Variants in LRFN5 observed in about 807,000 individuals in gnomAD.
LRFN5 encodes the protein leucine-rich repeat and fibronectin type-III domain-containing protein 5.
In LRFN5, 24 loss-of-function variants were observed where a neutral mutation model predicts 45.6. That is an observed-to-expected ratio of 0.53 (90% confidence interval 0.38 to 0.74). The LOEUF is 0.74. Ranked by LOEUF, LRFN5 falls within the 30% of genes least tolerant of loss-of-function variation. LRFN5 has a pLI of 0.00. For synonymous variants in LRFN5, 340 were observed against 313.8 expected (o/e 1.08, Z -0.88); for missense variants, 776 against 861.5 (o/e 0.90, Z 1.24).
At chr14:41,844,249 A>G (rs1888972786) in intron 2 of LRFN5, among the ~76,000 whole-genome samples, 1 of 152,168 alleles carries the variant, frequency 6.6e-6, no homozygotes, top group South Asian at 2.1e-4. Context: ...CATCCTGGCT[A>G]ACATGGTGAA....
chr14:41,791,693 A>G (rs951592896), intron 2 of LRFN5, among the ~76,000 whole-genome samples: 2 of 152,102 alleles, frequency 1.3e-5, no homozygotes, highest in Non-Finnish European at 2.9e-5. Context: ...TTTTACTGAT[A>G]AAAGTGTCTT....
At chr14:41,817,334 T>A (rs546791832) in intron 2 of LRFN5, among the ~76,000 whole-genome samples, 1 of 152,222 alleles carries the variant, frequency 6.6e-6, no homozygotes, top group East Asian at 1.9e-4. Flanking sequence ...TAGTTAGCTT[T>A]GTACTTTGTA....
In LRFN5 at chr14:41,630,669, A is replaced by G. The variant is rs189807800; in HGVS notation, c.-197+22107A>G. 2.1e-3 allele frequency among the ~76,000 whole-genome samples: 314 copies of G among 152,204 alleles called. 4 individuals carry two copies. Among genetic ancestry groups the G allele is most frequent in the Admixed American group, 0.017 (254 of 15,278 alleles). On this transcript the variant is annotated intron_variant, in intron 1 of 5. Coordinates refer to ENST00000298119, the MANE Select transcript of LRFN5 (RefSeq NM_152447.5). ...ATACTTTTGAGAGAACATAAATGGG[A>G]AAAGATAATTTTCTTTTACTTTATT...
intron 2 of LRFN5, among the ~76,000 whole-genome samples, chr14:41,811,808 G>C (rs1157622547): frequency 1.3e-5 from 2 of 152,084 alleles, no homozygotes; most frequent in East Asian, 3.9e-4. Context: ...TGGACTGGGG[G>C]TTTCATTTTT....
intron 1 of LRFN5, among the ~76,000 whole-genome samples, chr14:41,664,463 T>G (rs377114116): frequency 6.6e-6 from 1 of 151,986 alleles, no homozygotes; most frequent in East Asian, 1.9e-4. Context: ...AAGTCCTTAT[T>G]TAAGAACTTG....
At chr14:41,746,736 A>C (rs1472232577) in intron 1 of LRFN5, among the ~76,000 whole-genome samples, 2 of 152,018 alleles carry the variant, frequency 1.3e-5, no homozygotes, top group Non-Finnish European at 2.9e-5. Context: ...AAAAGGCATT[A>C]GAATTGAAAA....
intron 2 of LRFN5, among the ~76,000 whole-genome samples, chr14:41,767,953 C>G (rs887681597): frequency 1.3e-5 from 2 of 151,728 alleles, no homozygotes. Context: ...GTAAGCATTT[C>G]TTGTTGCTCT....
At chr14:41,781,604 GAAA>G (rs1566437227) in intron 2 of LRFN5, among the ~76,000 whole-genome samples, 4 of 77,712 alleles carry the variant, frequency 5.1e-5, no homozygotes, top group African/African-American at 2.6e-4. Flanking sequence ...AAGAAAGAAA[GAAA>G]GAAAGAAAGA....
At chr14:41,842,950 A>G (rs557538743) in intron 2 of LRFN5, among the ~76,000 whole-genome samples, 1 of 152,126 alleles carries the variant, frequency 6.6e-6, no homozygotes, top group African/African-American at 2.4e-5. Context: ...TGCCATTCAA[A>G]CATATTTTAT....
chr14:41,671,617 GTTTTT>G (rs914212982), intron 1 of LRFN5, among the ~76,000 whole-genome samples: 10 of 78,026 alleles, frequency 1.3e-4, no homozygotes, highest in African/African-American at 4.3e-4. Flanking sequence ...TTTTTTTTTC[GTTTTT>G]TTTTTTTTTT....
At chr14:41,668,487 C>T (rs1881013350) in intron 1 of LRFN5, among the ~76,000 whole-genome samples, 1 of 152,004 alleles carries the variant, frequency 6.6e-6, no homozygotes, top group South Asian at 2.1e-4. Flanking sequence ...TATCACCCCT[C>T]CTATCCCACA....
intron 2 of LRFN5, among the ~76,000 whole-genome samples, chr14:41,873,910 C>T (rs1047603518): frequency 1.2e-4 from 19 of 152,238 alleles, no homozygotes; most frequent in Admixed American, 1.2e-3. Flanking sequence ...AACTGAAATA[C>T]AGTGGATAGT....
intron 2 of LRFN5, among the ~76,000 whole-genome samples, chr14:41,855,574 A>T (rs1336965315): frequency 6.6e-6 from 1 of 152,140 alleles, no homozygotes; most frequent in Admixed American, 6.5e-5. Context: ...GTCTGTTAAA[A>T]TATAACTAAA....
At chr14:41,650,682 ATATT>A (rs1048663339) in intron 1 of LRFN5, among the ~76,000 whole-genome samples, 2 of 152,118 alleles carry the variant, frequency 1.3e-5, no homozygotes, top group Admixed American at 1.3e-4. Flanking sequence ...TTATATGGGA[ATATT>A]TATAAAGAAC....
intron 1 of LRFN5, among the ~76,000 whole-genome samples, chr14:41,652,219 T>A (rs1412780925): frequency 2.6e-5 from 4 of 152,064 alleles, no homozygotes; most frequent in Non-Finnish European, 2.9e-5. Context: ...TTATTGAAAA[T>A]TAGTGATATA....
At chr14:41,613,032 A>C (rs969899893) in intron 1 of LRFN5, among the ~76,000 whole-genome samples, 1 of 152,136 alleles carries the variant, frequency 6.6e-6, no homozygotes, top group African/African-American at 2.4e-5. Context: ...AAGTTGGTTA[A>C]TAAGTGATAA....
intron 3 of LRFN5, among the ~76,000 whole-genome samples, chr14:41,888,217 A>C (rs1050373812): frequency 2.0e-5 from 3 of 152,132 alleles, no homozygotes; most frequent in African/African-American, 7.2e-5. Flanking sequence ...ATTTATATTT[A>C]ATATTATGCT....
At chr14:41,849,461 G>T (rs1594463386) in intron 2 of LRFN5, among the ~76,000 whole-genome samples, 1 of 151,536 alleles carries the variant, frequency 6.6e-6, no homozygotes, top group Non-Finnish European at 1.5e-5. Context: ...AAACAAAAGT[G>T]GGAGGCTCTT....
intron 1 of LRFN5, among the ~76,000 whole-genome samples, chr14:41,666,896 C>T (rs1362042139): frequency 2.0e-5 from 3 of 152,024 alleles, no homozygotes; most frequent in Non-Finnish European, 2.9e-5. Flanking sequence ...TTCAATTTGA[C>T]CCATATAGAT....
Sources: gnomAD v4.1 joint callset for allele counts (sites outside exome capture counted in the v4.1 genomes callset) on GRCh38, gnomAD v4.1.1 for gene constraint, MANE v1.5 for transcripts, NCBI Gene and HGNC (gene_info 2026-07-23, HGNC 2026-07-21) for gene names.